The following CC2D2B variants were observed in gnomAD, a reference collection of about 807,000 sequenced individuals.
CC2D2B encodes protein CC2D2B.
Under a neutral mutation model 161.2 loss-of-function variants are expected in CC2D2B, and 128 were observed. That is an observed-to-expected ratio of 0.79 (90% confidence interval 0.69 to 0.92). The LOEUF is 0.92. CC2D2B is among the 40% of genes least tolerant of loss of function. The pLI is 0.00. For synonymous variants in CC2D2B, 391 were observed against 449.8 expected (o/e 0.87, Z 1.65); for missense variants, 1,173 against 1,375.1 (o/e 0.85, Z 2.32).
intron 25 of CC2D2B, among the ~76,000 whole-genome samples, chr10:96,007,414 A>G (rs1201597438): frequency 2.0e-5 from 3 of 152,194 alleles, no homozygotes; most frequent in Admixed American, 2.0e-4. Flanking sequence ...AGAAGCCTCC[A>G]GCATCCCTGG....
At chr10:95,988,411 A>C in intron 20 of CC2D2B, 69 bp downstream of exon 20, 1 of 624,326 alleles carries the variant, frequency 1.6e-6, no homozygotes, top group Non-Finnish European at 2.3e-6. Context: ...GATCCATGGT[A>C]TTATAGTCCT....
intron 5 of CC2D2B, 46 bp from the exon 6 acceptor site, chr10:95,927,191 A>G: frequency 9.4e-7 from 1 of 1,064,310 alleles, no homozygotes; most frequent in East Asian, 2.6e-5. Flanking sequence ...TTTACTTATA[A>G]GCAGAAAAAG....
chr10:95,998,272 C>G (rs1018554744), intron 24 of CC2D2B, among the ~76,000 whole-genome samples: 8 of 152,108 alleles, frequency 5.3e-5, no homozygotes, highest in South Asian at 2.1e-4. Context: ...ACATCACTAT[C>G]AACCATAGTC....
intron 2 of CC2D2B, among the ~76,000 whole-genome samples, chr10:95,916,375 T>C (rs897615172): frequency 1.1e-4 from 16 of 152,250 alleles, no homozygotes; most frequent in Non-Finnish European, 1.9e-4. Flanking sequence ...TGGTGTTTTG[T>C]ATTTTTTTAT....
chr10:95,959,275 C>A (rs1319977641), intron 11 of CC2D2B, among the ~76,000 whole-genome samples: 3 of 152,110 alleles, frequency 2.0e-5, no homozygotes, highest in African/African-American at 7.2e-5. Flanking sequence ...GTATGGTCCC[C>A]AGACCAGCAT....
At chr10:95,949,518 GA>G (rs1352267704) in intron 9 of CC2D2B, among the ~76,000 whole-genome samples, 1 of 113,852 alleles carries the variant, frequency 8.8e-6, no homozygotes, top group African/African-American at 3.4e-5. Context: ...GGGGTCGGGG[GA>G]GGGGGGAGGG....
chr10:95,981,249 A>T (rs1249215311), intron 17 of CC2D2B, among the ~76,000 whole-genome samples: 1 of 152,082 alleles, frequency 6.6e-6, no homozygotes, highest in East Asian at 1.9e-4. Flanking sequence ...CAAGTTAGCC[A>T]GGCGTGGTAG....
At position 95,972,233 on chromosome 10, in the gene CC2D2B, TA is replaced by T. The variant is rs2077160738; in HGVS notation, c.1795+18del. The T allele has an allele frequency of 8.1e-7, 1 of 1,230,330 alleles. No homozygotes were observed. The highest frequency in any genetic ancestry group is 3.2e-5 in the East Asian group (1 of 31,696). The allele number at this position is 1,230,330 out of a possible 1,614,324, so 76.2% of individuals were successfully genotyped here. The stretch of plus-strand genomic sequence containing the variant: ...TAGGAAGCAGTGAGTTTATTAAAAA[TA>T]TTACATTCCCCCTATTTTCTTCCTG... On this transcript the variant is annotated intron_variant, in intron 16 of 34. Transcript: ENST00000646931.
chr10:96,013,613 C>A (rs1309869561), intron 28 of CC2D2B, among the ~76,000 whole-genome samples, 175 bp from the exon 29 acceptor site: 3 of 151,720 alleles, frequency 2.0e-5, no homozygotes, highest in Non-Finnish European at 2.9e-5. Flanking sequence ...GCCATGGAAC[C>A]CAGGGCAAGT....
chr10:95,997,770 T>G (rs1220186944), intron 24 of CC2D2B, among the ~76,000 whole-genome samples: 2 of 152,198 alleles, frequency 1.3e-5, no homozygotes, highest in African/African-American at 4.8e-5. Flanking sequence ...TAATTCCATC[T>G]TTAGCAAGTT....
At chr10:96,020,454 A>G (rs905077213) in intron 32 of CC2D2B, 1 of 152,332 alleles carries the variant, frequency 6.6e-6, no homozygotes, top group Non-Finnish European at 1.5e-5. Context: ...CTCAATCACT[A>G]CATGGGTTGG....
intron 3 of CC2D2B, among the ~76,000 whole-genome samples, chr10:95,923,927 A>C (rs1240413381): frequency 6.6e-6 from 1 of 152,186 alleles, no homozygotes; most frequent in Non-Finnish European, 1.5e-5. Context: ...AGGCTGAGGT[A>C]GGAGAATCGC....
intron 3 of CC2D2B, among the ~76,000 whole-genome samples, chr10:95,922,780 C>T (rs556273769): frequency 6.6e-6 from 1 of 152,130 alleles, no homozygotes; most frequent in Non-Finnish European, 1.5e-5. Flanking sequence ...GCTTGGAGTA[C>T]ACACAAGGGC....
chr10:95,978,904 T>A (rs1220385413), intron 17 of CC2D2B, among the ~76,000 whole-genome samples: 2 of 152,216 alleles, frequency 1.3e-5, no homozygotes, highest in Non-Finnish European at 2.9e-5. Context: ...TTATTTCATT[T>A]TGGCATTTTG....
intron 33 of CC2D2B, among the ~76,000 whole-genome samples, chr10:96,025,154 AATATATATAT>A (rs1175038678): frequency 1.6e-3 from 33 of 20,082 alleles, no homozygotes; most frequent in South Asian, 3.8e-3. Context: ...ACTAAAAAAA[AATATATATAT>A]ATATATATAT....
intron 9 of CC2D2B, among the ~76,000 whole-genome samples, chr10:95,941,463 CA>C (rs2076019305): frequency 6.6e-6 from 1 of 151,610 alleles, no homozygotes; most frequent in South Asian, 2.1e-4. Context: ...GATTGAAATC[CA>C]AAATATATAA....
intron 20 of CC2D2B, among the ~76,000 whole-genome samples, chr10:95,988,768 C>T (rs968983566): frequency 5.3e-5 from 8 of 152,120 alleles, no homozygotes; most frequent in Non-Finnish European, 8.8e-5. Context: ...CGCTTTGAAA[C>T]GAAGCCAAAT....
At chr10:95,998,736 C>G (rs1393161290) in intron 24 of CC2D2B, among the ~76,000 whole-genome samples, 2 of 152,090 alleles carry the variant, frequency 1.3e-5, no homozygotes, top group Non-Finnish European at 2.9e-5. Flanking sequence ...TCTATTAAGG[C>G]CTTCAACTGA....
chr10:95,926,021 TA>T (rs199570335), intron 5 of CC2D2B, among the ~76,000 whole-genome samples: 15 of 151,742 alleles, frequency 9.9e-5, no homozygotes, highest in Middle Eastern at 3.4e-3. Context: ...TTTTTTTTTT[TA>T]AATTTATCTT....
Sources: gnomAD v4.1 joint callset for allele counts (sites outside exome capture counted in the v4.1 genomes callset) on GRCh38, gnomAD v4.1.1 for gene constraint, MANE v1.5 for transcripts, NCBI Gene and HGNC (gene_info 2026-07-23, HGNC 2026-07-21) for gene names.